Variants in CELA2A observed in about 807,000 individuals in gnomAD.
The protein encoded by CELA2A is chymotrypsin-like elastase family member 2A.
CELA2A carries 31 observed loss-of-function variants against 35.3 expected under a neutral mutation model. The observed-to-expected ratio is 0.88, with a 90% CI of 0.66 to 1.19. The LOEUF (loss-of-function observed/expected upper bound fraction) is 1.19. CELA2A is among the 50% of genes most tolerant of loss of function. The probability of loss-of-function intolerance (pLI) is 0.00; values close to 1 mark genes in which losing one functional copy is unlikely to be tolerated. For missense variants in CELA2A, 330 were observed against 352.9 expected, an observed-to-expected ratio of 0.94 and a Z score of 0.52; for synonymous variants, 150 against 149.8, an observed-to-expected ratio of 1.00 and a Z score of -0.01.
At chr1:15,458,991 A>G (rs1285979691) in intron 2 of CELA2A, among the ~76,000 whole-genome samples, 3 of 139,518 alleles carry the variant, frequency 2.2e-5, no homozygotes, top group African/African-American at 8.1e-5. Context: ...CAGATATTTC[A>G]CATTTTTTTC....
At chr1:15,467,659 C>T (rs939607928) in intron 7 of CELA2A, 121 bp downstream of exon 7, 4 of 1,280,402 alleles carry the variant, frequency 3.1e-6, no homozygotes, top group Admixed American at 2.2e-5. Flanking sequence ...ATGGGAACCC[C>T]TTGGAGGAGG....
intron 2 of CELA2A, 82 bp from the exon 3 acceptor site, chr1:15,461,479 C>T (rs989689302): frequency 2.0e-6 from 3 of 1,497,234 alleles, no homozygotes; most frequent in Non-Finnish European, 2.8e-6. Context: ...ACCCTTGTCC[C>T]AGCCCCGTTC....
intron 4 of CELA2A, chr1:15,463,126 T>A: frequency 1.4e-6 from 1 of 711,826 alleles, no homozygotes; most frequent in Non-Finnish European, 2.3e-6. Context: ...TGAGCATGTA[T>A]CTACTTCATG....
chr1:15,468,976 G>C (rs979130112), intron 7 of CELA2A, among the ~76,000 whole-genome samples: 2 of 152,116 alleles, frequency 1.3e-5, no homozygotes, highest in African/African-American at 4.8e-5. Flanking sequence ...TCAGGAGTTC[G>C]AGACCAGCCT....
chr1:15,466,034 C>G lies in CELA2A; in HGVS notation c.529C>G (p.Arg177Gly), dbSNP rs754611029. ...GAVPDVLQQG[R>G]LLVVDYATCS... ...TGTTCCTGATGTCCTGCAGCAGGGC[C>G]GGTTGCTGGTTGTGGACTATGCCAC... Residue 177 changes from arginine (R) to glycine (G), a missense_variant, in exon 6 of 8, where the codon CGG (arginine) becomes GGG (glycine). By Grantham distance (125) the Arg-to-Gly change is moderately radical. Transcript: ENST00000359621. 20 of 1,614,028 alleles carry G rather than the reference C, an allele frequency of 1.2e-5. No individual in the cohort carries two copies. The highest frequency in any genetic ancestry group is 1.4e-5 in the Non-Finnish European group (17 of 1,180,038).
At chr1:15,470,640 G>A (rs1708577236) in intron 7 of CELA2A, among the ~76,000 whole-genome samples, 1 of 152,092 alleles carries the variant, frequency 6.6e-6, no homozygotes, top group Non-Finnish European at 1.5e-5. Context: ...AAATGCAGTG[G>A]CTTGATCGCA....
At chr1:15,458,777 G>A (rs1477183958) in intron 2 of CELA2A, among the ~76,000 whole-genome samples, 2 of 151,860 alleles carry the variant, frequency 1.3e-5, no homozygotes, top group African/African-American at 4.8e-5. Flanking sequence ...GCCAGGCATG[G>A]TGGCGGGCAC....
chr1:15,457,934 G>T (rs1191860740), intron 2 of CELA2A, among the ~76,000 whole-genome samples: 2 of 152,190 alleles, frequency 1.3e-5, no homozygotes, highest in Admixed American at 1.3e-4. Flanking sequence ...GTGGTATCAA[G>T]ACTAAACTGC....
At chr1:15,461,322 G>A (rs1263932273) in intron 2 of CELA2A, among the ~76,000 whole-genome samples, 4 of 152,152 alleles carry the variant, frequency 2.6e-5, no homozygotes, top group African/African-American at 7.2e-5. Context: ...TTGGCCTCCC[G>A]AAGTGTTGGG....
chr1:15,471,435 C>T (rs1460945828), intron 7 of CELA2A, among the ~76,000 whole-genome samples: 1 of 152,126 alleles, frequency 6.6e-6, no homozygotes, highest in Non-Finnish European at 1.5e-5. Flanking sequence ...ATAATCTCAG[C>T]TACCCGGGAG....
chr1:15,470,106 A>T (rs913421592), intron 7 of CELA2A, among the ~76,000 whole-genome samples: 2 of 152,160 alleles, frequency 1.3e-5, no homozygotes, highest in Non-Finnish European at 2.9e-5. Flanking sequence ...AGCAGTCGGG[A>T]CAGGCACAGA....
At chr1:15,462,617 A>G (rs1708450635) in intron 3 of CELA2A, 116 bp from the exon 4 acceptor site, 1 of 1,292,592 alleles carries the variant, frequency 7.7e-7, no homozygotes, top group African/African-American at 1.5e-5. Context: ...GGGAGGAAAG[A>G]TCCCCAAGTC....
At chr1:15,471,912 A>G (rs376723400) in intron 7 of CELA2A, 78 bp from the exon 8 acceptor site, 2 of 1,580,152 alleles carry the variant, frequency 1.3e-6, no homozygotes, top group East Asian at 4.5e-5. Flanking sequence ...AGCTTAGCCC[A>G]GGAGGACAGA....
chr1:15,470,469 T>C (rs1708575594), intron 7 of CELA2A, among the ~76,000 whole-genome samples: 1 of 152,202 alleles, frequency 6.6e-6, no homozygotes, highest in Non-Finnish European at 1.5e-5. Context: ...TTCCGGAAGG[T>C]AATACATACT....
intron 2 of CELA2A, among the ~76,000 whole-genome samples, chr1:15,458,678 C>T (rs1311067187): frequency 4.6e-5 from 7 of 151,746 alleles, no homozygotes; most frequent in Non-Finnish European, 8.8e-5. Flanking sequence ...TTTGGCAGGC[C>T]GAGGCAGGTG....
intron 7 of CELA2A, among the ~76,000 whole-genome samples, chr1:15,469,587 C>T (rs74054732): frequency 0.021 from 3,273 of 152,238 alleles, 93 homozygotes; most frequent in African/African-American, 0.075. Flanking sequence ...TGATTCTTGC[C>T]AGATCCTTGT....
intron 5 of CELA2A, 149 bp from the exon 6 acceptor site, chr1:15,465,849 CA>C: frequency 1.1e-6 from 1 of 898,614 alleles, no homozygotes; most frequent in Non-Finnish European, 1.7e-6. Flanking sequence ...CTGAACCAAT[CA>C]ACCGTGAGGA....
At chr1:15,467,175 A>C (rs1708529592) in intron 6 of CELA2A, among the ~76,000 whole-genome samples, 1 of 152,250 alleles carries the variant, frequency 6.6e-6, no homozygotes, top group South Asian at 2.1e-4. Context: ...GAGATGAGGC[A>C]TAGAACATGC....
Position 15,463,512 on chromosome 1 carries a change from A to T in CELA2A, c.483A>T (p.Gly161=). The T allele has an allele frequency of 2.5e-6, 4 of 1,613,556 alleles. No individual in the cohort carries two copies. Among genetic ancestry groups the T allele is most frequent in the Non-Finnish European group, 3.4e-6 (4 of 1,179,686 alleles). ...NNYPCYVTGW[G]RLQTNGAVPD... ...ACCCCTGCTACGTCACGGGCTGGGGAAGGCTGCAGAGTAAGTGGGAGCCAG... is the reference window on the plus strand; with the variant it reads ...ACCCCTGCTACGTCACGGGCTGGGGTAGGCTGCAGAGTAAGTGGGAGCCAG... The change falls in exon 5 of 8, where the codon GGA becomes GGT. Residue 161 remains glycine (G), a synonymous_variant. Coordinates refer to ENST00000359621, the MANE Select transcript of CELA2A (RefSeq NM_033440.3).
Sources: allele counts gnomAD v4.1 joint callset (sites outside exome capture counted in the v4.1 genomes callset), GRCh38; gene constraint gnomAD v4.1.1; transcripts MANE v1.5; gene names NCBI Gene and HGNC (gene_info 2026-07-23, HGNC 2026-07-21).